MKNK2: variants seen among roughly 807,000 people sequenced by gnomAD.
MKNK2 encodes the protein MAP kinase-interacting serine/threonine-protein kinase 2.
Under a neutral mutation model 55.0 loss-of-function variants are expected in MKNK2, and 54 were observed. The ratio of observed to expected loss-of-function variants is 0.98; its 90% confidence interval spans 0.79 to 1.23. The LOEUF is 1.23. Ranked by LOEUF, MKNK2 falls within the 50% of genes most tolerant of loss-of-function variation. The pLI is 0.00. For missense variants in MKNK2, 685 were observed against 632.1 expected, an observed-to-expected ratio of 1.08 and a Z score of -0.90; for synonymous variants, 323 against 256.0, an observed-to-expected ratio of 1.26 and a Z score of -2.50.
chr19:2,049,153 C>A (rs920950813), intron 2 of MKNK2, among the ~76,000 whole-genome samples: 7 of 152,288 alleles, frequency 4.6e-5, no homozygotes, highest in Middle Eastern at 6.8e-3. Context: ...AGCGGAGGGG[C>A]CAGGCACCAC....
chr19:2,042,130 G>C, intron 10 of MKNK2, 96 bp from the exon 11 acceptor site: 2 of 1,225,548 alleles, frequency 1.6e-6, no homozygotes, highest in Non-Finnish European at 1.1e-6. Flanking sequence ...AGCCGGCTCG[G>C]ACCCCGCCCC....
intron 2 of MKNK2, among the ~76,000 whole-genome samples, chr19:2,049,251 C>T (rs567689529): frequency 6.6e-5 from 10 of 152,360 alleles, no homozygotes; most frequent in South Asian, 2.1e-4. Context: ...CATCTGCGAA[C>T]GGAAAGAAAC....
Position 2,041,868 on chromosome 19 carries a change from TCC to T in MKNK2, c.915_916del (p.Trp305Ter). ...GCAGGCAGGGCAGGCCTCGCCGCGG[TCC>T]CAGCCGCAGTCGCTGCCACAGCGGC... On this transcript the variant is annotated stop_gained and frameshift_variant, in exon 11 of 14. Coordinates refer to ENST00000250896, the MANE Select transcript of MKNK2 (RefSeq NM_199054.3). LOFTEE classifies it high-confidence loss of function. 6.5e-7 allele frequency: 1 copy of T among 1,538,136 alleles called. No individual in the cohort carries two copies. Among genetic ancestry groups the T allele is most frequent in the Non-Finnish European group, 8.8e-7 (1 of 1,141,638 alleles).
In MKNK2 at chr19:2,038,144, G is replaced by T. The variant is rs1347276445; in HGVS notation, c.*1469C>A. 9 of 1,053,570 alleles carry T rather than the reference G, an allele frequency of 8.5e-6. No homozygotes were observed. The highest frequency in any genetic ancestry group is 1.0e-5 in the Non-Finnish European group (9 of 875,046). 65.3% of individuals were successfully genotyped at this position (1,053,570 alleles called of 1,614,324 possible). A position where few individuals can be genotyped will look rare whatever the true frequency, so the allele number is the denominator to read the frequency against. ...TGTGACCATCATACGAGATTCAGGAGGGGCAGCAGGGCCAGGCAGACGGTC... is the reference window on the plus strand; with the variant it reads ...TGTGACCATCATACGAGATTCAGGATGGGCAGCAGGGCCAGGCAGACGGTC... On this transcript the variant is annotated 3_prime_UTR_variant, in exon 14 of 14. Transcript: ENST00000250896.
At chr19:2,042,115 G>A (rs2016899800) in intron 10 of MKNK2, 81 bp from the exon 11 acceptor site, 1 of 1,310,628 alleles carries the variant, frequency 7.6e-7, no homozygotes, top group African/African-American at 1.6e-5. Flanking sequence ...CGGGTCACCT[G>A]CGCCAGCCGG....
intron 2 of MKNK2, among the ~76,000 whole-genome samples, chr19:2,047,587 G>A (rs1333611168): frequency 2.0e-5 from 3 of 152,124 alleles, no homozygotes; most frequent in Non-Finnish European, 4.4e-5. Flanking sequence ...GGGGCAGTGG[G>A]AAGGAGGTGA....
At position 2,039,599 on chromosome 19, in the gene MKNK2, G is replaced by C. The variant is rs372960808; in HGVS notation, c.*14C>G. 6.2e-7 allele frequency: 1 copy of C among 1,606,170 alleles called. No individual in the cohort carries two copies. The highest frequency in any genetic ancestry group is 1.7e-5 in the Admixed American group (1 of 59,846). ...GGGGACGGGTGACCTATGTACAGAG[G>C]GGAGATGGGAGGGTCAGGCGTGGTC... On this transcript the variant is annotated 3_prime_UTR_variant, in exon 14 of 14. Coordinates refer to ENST00000250896, the MANE Select transcript of MKNK2 (RefSeq NM_199054.3).
intron 6 of MKNK2, 135 bp from the exon 7 acceptor site, chr19:2,043,332 G>T: frequency 1.0e-6 from 1 of 992,386 alleles, no homozygotes; most frequent in Non-Finnish European, 1.6e-6. Context: ...CAATAGGCCA[G>T]CTTCACACTG....
At chr19:2,048,136 C>A (rs1485608937) in intron 2 of MKNK2, among the ~76,000 whole-genome samples, 1 of 152,162 alleles carries the variant, frequency 6.6e-6, no homozygotes, top group Non-Finnish European at 1.5e-5. Flanking sequence ...CTGGAGGGAG[C>A]CCCTGGTGGG....
chr19:2,040,868 C>CG (rs2016862584), intron 12 of MKNK2, 172 bp downstream of exon 12: 3 of 673,528 alleles, frequency 4.5e-6, no homozygotes, highest in Non-Finnish European at 7.5e-6. Context: ...CGTGCACAGG[C>CG]GGGCGGTGGG....
chr19:2,037,713 C>CTGGG lies in MKNK2; in HGVS notation c.*1896_*1899dup. On this transcript the variant is annotated 3_prime_UTR_variant, in exon 14 of 14. Transcript: ENST00000250896. Reference sequence around the variant, plus strand: ...CCGTCCCCCAGCGATGGGAGCTGGCCTGGGGCCCAGGGTCCTCCAGGATCT... The same window carrying CTGGG: ...CCGTCCCCCAGCGATGGGAGCTGGCCTGGGTGGGGCCCAGGGTCCTCCAGGATCT... 6.5e-7 allele frequency: 1 copy of CTGGG among 1,538,644 alleles called. No individual in the cohort carries two copies. The highest frequency in any genetic ancestry group is 8.8e-7 in the Non-Finnish European group (1 of 1,131,140).
At position 2,038,434 on chromosome 19, in the gene MKNK2, AG is replaced by A; in HGVS notation, c.*1178del. ...GCATAGAACGTCCCCACCCGCGGGG[AG>A]GGGGCAGCAGGCTCCGCAGCCCCCG... On this transcript the variant is annotated 3_prime_UTR_variant, in exon 14 of 14. Transcript: ENST00000250896. The A allele has an allele frequency of 2.0e-6, 2 of 984,180 alleles. No homozygotes were observed. Among genetic ancestry groups the A allele is most frequent in the Non-Finnish European group, 2.4e-6 (2 of 828,926 alleles). The allele number at this position is 984,180 out of a possible 1,614,324, so 61.0% of individuals were successfully genotyped here.
At chr19:2,039,947 T>G in intron 13 of MKNK2, 91 bp from the exon 14 acceptor site, 1 of 1,458,690 alleles carries the variant, frequency 6.9e-7, no homozygotes, top group Non-Finnish European at 9.3e-7. Context: ...AGGGGCTTCA[T>G]GCCCCCCTCC....
Position 2,043,156 on chromosome 19 carries a change from C to T in MKNK2, c.461G>A (p.Arg154His), listed in dbSNP as rs1338368906. ...CATCTTCTCAAACACCAGGTAGAAG[C>T]GGTCCTCCTCCTCGAAGAACTCAAT... Reference protein sequence around the residue: ...ELIEFFEEEDRFYLVFEKMRG... With the variant: ...ELIEFFEEEDHFYLVFEKMRG... Residue 154 changes from arginine to histidine, a missense_variant, in exon 7 of 14, where the codon CGC becomes CAC. Physicochemically the swap from Arg to His is conservative, Grantham distance 29. Coordinates refer to ENST00000250896, the MANE Select transcript of MKNK2 (RefSeq NM_199054.3). The T allele has an allele frequency of 1.7e-5, 28 of 1,611,780 alleles. No individual in the cohort carries two copies. Among genetic ancestry groups the T allele is most frequent in the Non-Finnish European group, 2.2e-5 (26 of 1,178,158 alleles).
intron 11 of MKNK2, among the ~76,000 whole-genome samples, 170 bp downstream of exon 11, chr19:2,041,670 G>T (rs1021212503): frequency 2.5e-4 from 38 of 152,168 alleles, no homozygotes; most frequent in Non-Finnish European, 8.8e-5. Context: ...TAGGTCCCCG[G>T]GGGTCTGGGG....
chr19:2,043,267 T>A, intron 6 of MKNK2, 70 bp from the exon 7 acceptor site: 1 of 1,332,708 alleles, frequency 7.5e-7, no homozygotes, highest in Non-Finnish European at 1.1e-6. Flanking sequence ...CTGCCCGGCC[T>A]AGGAGGGGCC....
In MKNK2 at chr19:2,041,906, C is replaced by G; in HGVS notation, c.879G>C (p.Pro293=). 6.5e-7 allele frequency: 1 copy of G among 1,546,088 alleles called. No homozygotes were observed. The highest frequency in any genetic ancestry group is 1.2e-5 in the South Asian group (1 of 83,956). The change falls in exon 11 of 14, where the codon CCG becomes CCC. Residue 293 remains proline (P), a synonymous_variant. Transcript: ENST00000250896. ...CGCTGCCACAGCGGCCCACGAAGGG[C>G]GGGTAGCCGCTGAGTAGGATATACA... ...VILYILLSGY[P]PFVGRCGSDC...
chr19:2,044,248 T>C (rs2016953595), intron 5 of MKNK2, among the ~76,000 whole-genome samples: 2 of 152,152 alleles, frequency 1.3e-5, no homozygotes, highest in Non-Finnish European at 2.9e-5. Flanking sequence ...ACCTCACATG[T>C]GGCCACAGCA....
chr19:2,041,257 G>A, intron 11 of MKNK2, 53 bp from the exon 12 acceptor site: 1 of 1,561,498 alleles, frequency 6.4e-7, no homozygotes, highest in Non-Finnish European at 8.7e-7. Flanking sequence ...CCTGGATACT[G>A]TGCACTGACA....
Sources: allele counts gnomAD v4.1 joint callset (sites outside exome capture counted in the v4.1 genomes callset), GRCh38; gene constraint gnomAD v4.1.1; transcripts MANE v1.5; gene names NCBI Gene and HGNC (gene_info 2026-07-23, HGNC 2026-07-21).